VSTM5: variants seen among roughly 807,000 people sequenced by gnomAD.
VSTM5 encodes the protein V-set and transmembrane domain containing 5.
Under a neutral mutation model 20.3 loss-of-function variants are expected in VSTM5, and 21 were observed. The ratio of observed to expected loss-of-function variants is 1.03; its 90% CI spans 0.73 to 1.49. The LOEUF (loss-of-function observed/expected upper bound fraction) is 1.49. Among genes scored for constraint, VSTM5 ranks in the 40% most tolerant of loss-of-function variants. VSTM5 has a pLI of 0.00. For missense variants in VSTM5, 219 were observed against 250.0 expected (o/e 0.88, Z 0.84); for synonymous variants, 100 against 102.5 (o/e 0.98, Z 0.14).
rs1459198225 is a variant in VSTM5, at chr11:93,820,426, A to G, written c.*143T>C. 1.2e-6 allele frequency: 1 copy of G among 823,180 alleles called. No homozygotes were observed. The highest frequency in any genetic ancestry group is 2.7e-5 in the East Asian group (1 of 37,428). 51.0% of individuals were successfully genotyped at this position (823,180 alleles called of 1,614,324 possible). On this transcript the variant is annotated 3_prime_UTR_variant, in exon 4 of 4. Coordinates refer to ENST00000409977, the MANE Select transcript of VSTM5 (RefSeq NM_001144871.2). ...CCATCCACAGTCCTCAACTCCATGCAGTCAATGTTGTTAATCTCCCACTGT... is the reference window on the plus strand; with the variant it reads ...CCATCCACAGTCCTCAACTCCATGCGGTCAATGTTGTTAATCTCCCACTGT...
At chr11:93,844,375 G>A (rs938207103) in intron 1 of VSTM5, among the ~76,000 whole-genome samples, 5 of 152,038 alleles carry the variant, frequency 3.3e-5, no homozygotes, top group African/African-American at 1.2e-4. Flanking sequence ...TTGACATTAG[G>A]TCCCCTTACC....
rs185449722 is a variant in VSTM5 at position 93,850,136 on chromosome 11, G to C, written c.91+276C>G. ...GCTCTGATAACCGTAGGCCGGGCTC[G>C]CCGGGTGGGGCGGGCGCCCCGAAGT... On this transcript the variant is annotated intron_variant, in intron 1 of 3. Coordinates refer to ENST00000409977, the MANE Select transcript of VSTM5 (RefSeq NM_001144871.2). Among the ~76,000 whole-genome samples the C allele has an allele frequency of 9.3e-3, 1,417 of 152,286 alleles. 29 individuals carry two copies. Among genetic ancestry groups the C allele is most frequent in the African/African-American group, 0.031 (1,291 of 41,566 alleles).
At chr11:93,826,424 G>T (rs1476713820) in intron 1 of VSTM5, among the ~76,000 whole-genome samples, 1 of 150,572 alleles carries the variant, frequency 6.6e-6, no homozygotes, top group Non-Finnish European at 1.5e-5. Context: ...TTGAGATGGA[G>T]TCTTGCTCTG....
Position 93,838,244 on chromosome 11 carries a change from G to A in VSTM5, c.91+12168C>T, listed in dbSNP as rs148349393. Among the ~76,000 whole-genome samples the A allele has an allele frequency of 2.8e-3, 422 of 152,272 alleles. 8 individuals carry two copies. Among genetic ancestry groups the A allele is most frequent in the African/African-American group, 9.4e-3 (392 of 41,548 alleles). On this transcript the variant is annotated intron_variant, in intron 1 of 3. Coordinates refer to ENST00000409977, the MANE Select transcript of VSTM5 (RefSeq NM_001144871.2). Reference sequence around the variant, plus strand: ...CCCAGCACTTTAGGAGGCCTAAGGCGGGTGGATCACTTGAGTCCAGAAGTT... The same window carrying A: ...CCCAGCACTTTAGGAGGCCTAAGGCAGGTGGATCACTTGAGTCCAGAAGTT...
At chr11:93,821,444 G>GT (rs1944185418) in intron 1 of VSTM5, 121 bp from the exon 2 acceptor site, 1 of 951,508 alleles carries the variant, frequency 1.1e-6, no homozygotes, top group Non-Finnish European at 1.5e-6. Flanking sequence ...GCCAGGAACT[G>GT]TTCTAGGTTC....
chr11:93,827,945 G>A (rs1459814537), intron 1 of VSTM5, among the ~76,000 whole-genome samples: 1 of 152,080 alleles, frequency 6.6e-6, no homozygotes, highest in Non-Finnish European at 1.5e-5. Flanking sequence ...ATGTTAAACT[G>A]TTAACAGGAA....
chr11:93,850,412 T>C lies in VSTM5; in HGVS notation c.91A>G (p.Ser31Gly), dbSNP rs1021306236. The C allele has an allele frequency of 2.3e-5, 35 of 1,543,058 alleles. No individual in the cohort carries two copies. The East Asian group carries it at 2.5e-4, about 11-fold the overall frequency. ...ACCCGGGGCGTCCCCCGGAGCTTAC[T>C]CTGCAGACAGCGGGCTGCGGCCAGG... ...LCLAAARCLQ[S>G]QGVSLYIPQA... Residue 31 changes from serine to glycine, a missense_variant and splice_region_variant, in exon 1 of 4, where the codon AGT (serine) becomes GGT (glycine). Ser to Gly is a moderately conservative substitution (Grantham distance 56, BLOSUM62 0). Coordinates refer to ENST00000409977, the MANE Select transcript of VSTM5 (RefSeq NM_001144871.2).
At chr11:93,839,522 T>C (rs114639539) in intron 1 of VSTM5, among the ~76,000 whole-genome samples, 2,404 of 152,306 alleles carry the variant, frequency 0.016, 55 homozygotes, top group African/African-American at 0.053. Flanking sequence ...AACGCCTGCT[T>C]TGCATGGTTG....
Position 93,829,291 on chromosome 11 carries a change from C to T in VSTM5, c.92-7968G>A, listed in dbSNP as rs146992210. On this transcript the variant is annotated intron_variant, in intron 1 of 3. Coordinates refer to ENST00000409977, the MANE Select transcript of VSTM5 (RefSeq NM_001144871.2). ...CCTGTAATCCCAGCATTTTGGGAGG[C>T]CAAGGTGGGCAGATCACCTGAAGTC... Among the ~76,000 whole-genome samples the T allele has an allele frequency of 5.0e-3, 766 of 152,310 alleles. 4 individuals carry two copies. Among genetic ancestry groups the T allele is most frequent in the Admixed American group, 8.1e-3 (124 of 15,308 alleles).
intron 1 of VSTM5, chr11:93,827,738 A>T (rs1003570564): frequency 3.9e-5 from 6 of 152,138 alleles, no homozygotes; most frequent in African/African-American, 1.4e-4. Flanking sequence ...GTCTTAAAAA[A>T]AAAAAAAAAG....
At chr11:93,839,644 A>G (rs1944354512) in intron 1 of VSTM5, among the ~76,000 whole-genome samples, 1 of 152,192 alleles carries the variant, frequency 6.6e-6, no homozygotes, top group African/African-American at 2.4e-5. Flanking sequence ...TGGCGTGATC[A>G]GGCCTGGTAG....
intron 1 of VSTM5, among the ~76,000 whole-genome samples, chr11:93,836,447 C>CACGCCCTCATACCCTGAGA (rs1944322916): frequency 6.6e-6 from 1 of 152,230 alleles, no homozygotes; most frequent in Non-Finnish European, 1.5e-5. Flanking sequence ...GCATCCTCAG[C>CACGCCCTCATACCCTGAGA]ACGCCCTCAT....
At chr11:93,835,394 G>A (rs978151127) in intron 1 of VSTM5, among the ~76,000 whole-genome samples, 23 of 152,104 alleles carry the variant, frequency 1.5e-4, no homozygotes, top group African/African-American at 5.3e-4. Context: ...CTGCTCTGAA[G>A]TCTGGGCAAA....
At chr11:93,849,656 T>C (rs1024727419) in intron 1 of VSTM5, among the ~76,000 whole-genome samples, 6 of 152,212 alleles carry the variant, frequency 3.9e-5, no homozygotes, top group Non-Finnish European at 5.9e-5. Flanking sequence ...TAAACCTCAG[T>C]TGGCCCATGT....
At chr11:93,836,549 C>A (rs538076832) in intron 1 of VSTM5, among the ~76,000 whole-genome samples, 38 of 151,344 alleles carry the variant, frequency 2.5e-4, no homozygotes, top group Admixed American at 1.7e-3. Context: ...GCTACTCCCC[C>A]TGCCTGCTCC....
At chr11:93,838,687 C>G (rs926497432) in intron 1 of VSTM5, among the ~76,000 whole-genome samples, 12 of 148,646 alleles carry the variant, frequency 8.1e-5, no homozygotes, top group Non-Finnish European at 1.3e-4. Context: ...TTCCCAGCTA[C>G]TGGGGAGGCT....
At chr11:93,847,047 G>A (rs977281363) in intron 1 of VSTM5, among the ~76,000 whole-genome samples, 1 of 152,146 alleles carries the variant, frequency 6.6e-6, no homozygotes, top group African/African-American at 2.4e-5. Context: ...TTACAGGCAT[G>A]AGCCACCATA....
intron 1 of VSTM5, among the ~76,000 whole-genome samples, chr11:93,846,158 AAAGCTATTG>A (rs148989680): frequency 0.02 from 3,104 of 152,266 alleles, 109 homozygotes; most frequent in African/African-American, 0.072. Context: ...GCCCAGCTTC[AAAGCTATTG>A]ATTTATAACA....
intron 1 of VSTM5, among the ~76,000 whole-genome samples, chr11:93,836,134 C>T (rs1427744859): frequency 6.6e-6 from 1 of 152,132 alleles, no homozygotes; most frequent in Non-Finnish European, 1.5e-5. Context: ...GTCAATTTTA[C>T]CTCCAACATG....
Sources: gnomAD v4.1 joint callset for allele counts (sites outside exome capture counted in the v4.1 genomes callset) on GRCh38, gnomAD v4.1.1 for gene constraint, MANE v1.5 for transcripts, NCBI Gene and HGNC (gene_info 2026-07-23, HGNC 2026-07-21) for gene names.